The following CFAP97D1 variants were observed in gnomAD, a reference collection of about 807,000 sequenced individuals.
CFAP97D1 encodes the protein CFAP97 domain containing 1, also known as sperm axonemal maintenance protein CFAP97D1.
In CFAP97D1, 15 loss-of-function variants were observed where a neutral mutation model predicts 20.5. The ratio of observed to expected loss-of-function variants is 0.73; its 90% CI spans 0.49 to 1.13. CFAP97D1 has a LOEUF of 1.13. Among genes scored for constraint, CFAP97D1 ranks in the 50% most tolerant of loss-of-function variants. The pLI is 0.00. For missense variants in CFAP97D1, 168 were observed against 202.9 expected (o/e 0.83, Z 1.04); for synonymous variants, 58 against 71.2 (o/e 0.82, Z 0.93).
intron 1 of CFAP97D1, 72 bp downstream of exon 1, chr17:43,780,658 G>T (rs2301682): frequency 0.083 from 126,210 of 1,513,158 alleles, 5,799 homozygotes; most frequent in African/African-American, 0.17. Context: ...AGATCAACAG[G>T]AAACCAGACC....
chr17:43,781,892 G>T lies in CFAP97D1; in HGVS notation c.314G>T (p.Ser105Ile), dbSNP rs1263390686. Residue 105 changes from serine (S) to isoleucine (I), a missense_variant and splice_region_variant, in exon 3 of 6, where the codon AGC becomes ATC. Transcript: ENST00000449302. Reference protein sequence around the residue: ...VDCWNEYFSKSLNRETRNREL... With the variant: ...VDCWNEYFSKILNRETRNREL... Reference sequence around the variant, plus strand: ...TGCTGGAATGAATATTTTTCCAAGAGGTAATGTTCTTTGTCTTCATTTCAG... The same window carrying T: ...TGCTGGAATGAATATTTTTCCAAGATGTAATGTTCTTTGTCTTCATTTCAG... 6.5e-7 allele frequency: 1 copy of T among 1,535,180 alleles called. No homozygotes were observed. The highest frequency in any genetic ancestry group is 8.8e-7 in the Non-Finnish European group (1 of 1,132,026).
chr17:43,783,302 A>C lies in CFAP97D1; in HGVS notation c.437A>C (p.Gln146Pro). 6.4e-7 allele frequency: 1 copy of C among 1,551,226 alleles called. No homozygotes were observed. Among genetic ancestry groups the C allele is most frequent in the Non-Finnish European group, 8.7e-7 (1 of 1,146,808 alleles). The change falls in exon 4 of 6, where the codon CAG becomes CCG. Residue 146 changes from glutamine (Q) to proline (P), a missense_variant and splice_region_variant. Coordinates refer to ENST00000449302, the MANE Select transcript of CFAP97D1 (RefSeq NM_001136483.3). ...CGCAGGGCATCTGAGATAGACTGGC[A>C]GGCACGTGGGCACTCATGTTATACT... ...YDRRASEIDW[Q>P]NSRRYIRNTT...
chr17:43,787,037 G>T lies in CFAP97D1; in HGVS notation c.*2655G>T, dbSNP rs2154590856. Reference sequence around the variant, plus strand: ...GCTGGAGTGCAGTGGCACGATCTTGGCTCACTGCAACCTCCACCTCTGGGG... The same window carrying T: ...GCTGGAGTGCAGTGGCACGATCTTGTCTCACTGCAACCTCCACCTCTGGGG... On this transcript the variant is annotated 3_prime_UTR_variant, in exon 6 of 6. Transcript: ENST00000449302. 6.6e-6 allele frequency: 1 copy of T among 152,080 alleles called. No individual in the cohort carries two copies. Among genetic ancestry groups the T allele is most frequent in the East Asian group, 1.9e-4 (1 of 5,166 alleles). 9.4% of individuals were successfully genotyped at this position (152,080 alleles called of 1,614,324 possible). A position where few individuals can be genotyped will look rare whatever the true frequency, so the allele number is the denominator to read the frequency against.
Position 43,781,911 on chromosome 17 carries a change from A to G in CFAP97D1, c.314+19A>G. ...CCAAGAGGTAATGTTCTTTGTCTTC[A>G]TTTCAGTTTTGAAAAGTCAAAATTG... On this transcript the variant is annotated intron_variant, in intron 3 of 5. Transcript: ENST00000449302. The G allele has an allele frequency of 6.7e-7, 1 of 1,493,794 alleles. No homozygotes were observed. Among genetic ancestry groups the G allele is most frequent in the African/African-American group, 1.4e-5 (1 of 71,962 alleles). The allele number at this position is 1,493,794 out of a possible 1,614,324, so 92.5% of individuals were successfully genotyped here. A position where few individuals can be genotyped will look rare whatever the true frequency, so the allele number is the denominator to read the frequency against.
chr17:43,781,664 C>G (rs1028531320), intron 2 of CFAP97D1, 110 bp from the exon 3 acceptor site: 13 of 751,646 alleles, frequency 1.7e-5, no homozygotes, highest in Middle Eastern at 2.5e-4. Context: ...TCCACTGTGG[C>G]CCTCAATGCA....
At chr17:43,782,415 AC>A (rs1455544049) in intron 3 of CFAP97D1, among the ~76,000 whole-genome samples, 1 of 152,070 alleles carries the variant, frequency 6.6e-6, no homozygotes, top group Non-Finnish European at 1.5e-5. Context: ...TCAAAGGCCC[AC>A]CCCCTAATAC....
Position 43,783,163 on chromosome 17 carries a change from G to T in CFAP97D1, c.315-17G>T. The T allele has an allele frequency of 6.4e-7, 1 of 1,551,432 alleles. No homozygotes were observed. Among genetic ancestry groups the T allele is most frequent in the Non-Finnish European group, 8.7e-7 (1 of 1,146,910 alleles). ...GCATTTCCTTCTTCACCCATTTCGG[G>T]GTTTTGTGTTTTTCAGCTTAAACAG... On this transcript the variant is annotated splice_polypyrimidine_tract_variant and intron_variant, in intron 3 of 5. Transcript: ENST00000449302.
Position 43,781,127 on chromosome 17 carries a change from A to G in CFAP97D1, c.133A>G (p.Thr45Ala), listed in dbSNP as rs1598304291. Residue 45 changes from threonine to alanine, a missense_variant, in exon 2 of 6, where the codon ACT (threonine) becomes GCT (alanine). By Grantham distance (58) the Thr-to-Ala change is moderately conservative. Transcript: ENST00000449302. ...HKNRIQIAKP[T>A]VDTKPPVAHT... is the part of the protein sequence containing the mutation. Reference sequence around the variant, plus strand: ...TTATCCCCCTTCTCTAGCGAAGCCTACTGTTGATACCAAACCTCCAGTGGC... The same window carrying G: ...TTATCCCCCTTCTCTAGCGAAGCCTGCTGTTGATACCAAACCTCCAGTGGC... The G allele has an allele frequency of 3.2e-6, 5 of 1,551,068 alleles. No homozygotes were observed. In the African/African-American group the frequency reaches 4.1e-5, roughly 13 times the overall value.
chr17:43,783,403 A>C (rs1389086108), intron 4 of CFAP97D1, 100 bp downstream of exon 4: 11 of 1,399,880 alleles, frequency 7.9e-6, no homozygotes, highest in Non-Finnish European at 1.1e-5. Context: ...CTAGAGTCAG[A>C]TCACATGAAA....
intron 4 of CFAP97D1, 72 bp downstream of exon 4, chr17:43,783,375 A>C: frequency 1.6e-5 from 24 of 1,519,644 alleles, no homozygotes; most frequent in East Asian, 2.5e-5. Context: ...AGAGAGTCTC[A>C]GAAAAATCCC....
Position 43,781,613 on chromosome 17 carries a change from C to T in CFAP97D1, c.196-161C>T, listed in dbSNP as rs879118470. On this transcript the variant is annotated intron_variant, in intron 2 of 5. Coordinates refer to ENST00000449302, the MANE Select transcript of CFAP97D1 (RefSeq NM_001136483.3). ...GTGCTGGGATTACAGGCGTGAGCCACCGTGCCCGGCCGCCCAGTCTTTTAA... is the reference window on the plus strand; with the variant it reads ...GTGCTGGGATTACAGGCGTGAGCCATCGTGCCCGGCCGCCCAGTCTTTTAA... 1.3e-4 allele frequency among the ~76,000 whole-genome samples: 20 copies of T among 151,440 alleles called. No homozygotes were observed. The East Asian group carries it at 3.3e-3, about 25-fold the overall frequency.
chr17:43,783,073 C>A, intron 3 of CFAP97D1, 107 bp from the exon 4 acceptor site: 1 of 1,401,158 alleles, frequency 7.1e-7, no homozygotes, highest in Non-Finnish European at 9.8e-7. Flanking sequence ...ACAGTTTACT[C>A]CCTGCACTTA....
In CFAP97D1 at chr17:43,786,075, A is replaced by G. The variant is rs1029369024; in HGVS notation, c.*1693A>G. ...AGGGTGCTGGTGTGAGTCTTGGAGT[A>G]CAAAGGCCAAGGAGCCTAGAGTTGT... On this transcript the variant is annotated 3_prime_UTR_variant, in exon 6 of 6. Coordinates refer to ENST00000449302, the MANE Select transcript of CFAP97D1 (RefSeq NM_001136483.3). The G allele has an allele frequency of 2.0e-5, 3 of 152,286 alleles. No homozygotes were observed. Among genetic ancestry groups the G allele is most frequent in the African/African-American group, 7.2e-5 (3 of 41,456 alleles). 9.4% of individuals were successfully genotyped at this position (152,286 alleles called of 1,614,324 possible).
intron 2 of CFAP97D1, among the ~76,000 whole-genome samples, 198 bp downstream of exon 2, chr17:43,781,387 A>T (rs1224384965): frequency 1.4e-5 from 2 of 141,700 alleles, no homozygotes; most frequent in African/African-American, 5.1e-5. Context: ...CCTAGGCTGG[A>T]GTGCACAATC....
chr17:43,781,258 G>A, intron 2 of CFAP97D1, 69 bp downstream of exon 2: 1 of 1,298,636 alleles, frequency 7.7e-7, no homozygotes. Context: ...TCCTAAAGAG[G>A]TTCAATTTCC....
In CFAP97D1 at chr17:43,784,799, A is replaced by C. The variant is rs1038209776; in HGVS notation, c.*417A>C. On this transcript the variant is annotated 3_prime_UTR_variant, in exon 6 of 6. Transcript: ENST00000449302. The stretch of plus-strand genomic sequence containing the variant: ...TCAGAAAACACAAGGAACAAATGCC[A>C]TTAGTTCCTCTGTGAATACACACGA... 6 of 152,256 alleles carry C rather than the reference A, an allele frequency of 3.9e-5. No homozygotes were observed. The highest frequency in any genetic ancestry group is 7.3e-5 in the Non-Finnish European group (5 of 68,046). 9.4% of individuals were successfully genotyped at this position (152,256 alleles called of 1,614,324 possible).
In CFAP97D1 at chr17:43,781,893, G is replaced by T. The variant is rs966871755; in HGVS notation, c.314+1G>T. ...GCTGGAATGAATATTTTTCCAAGAG[G>T]TAATGTTCTTTGTCTTCATTTCAGT... On this transcript the variant is annotated splice_donor_variant, in intron 3 of 5. Transcript: ENST00000449302. LOFTEE classifies it high-confidence loss of function. 2 of 1,533,348 alleles carry T rather than the reference G, an allele frequency of 1.3e-6. No individual in the cohort carries two copies. The highest frequency in any genetic ancestry group is 1.4e-5 in the African/African-American group (1 of 72,724). 95.0% of individuals were successfully genotyped at this position (1,533,348 alleles called of 1,614,324 possible). A position where few individuals can be genotyped will look rare whatever the true frequency, so the allele number is the denominator to read the frequency against.
intron 2 of CFAP97D1, 25 bp from the exon 3 acceptor site, chr17:43,781,749 A>G (rs1974476808): frequency 3.6e-6 from 5 of 1,405,302 alleles, no homozygotes; most frequent in Non-Finnish European, 4.9e-6. Flanking sequence ...TGGTGTCACC[A>G]TGGTGAGGTG....
chr17:43,781,164 A>T lies in CFAP97D1; in HGVS notation c.170A>T (p.His57Leu). 1 of 1,551,572 alleles carries T rather than the reference A, an allele frequency of 6.4e-7. No individual in the cohort carries two copies. The highest frequency in any genetic ancestry group is 8.7e-7 in the Non-Finnish European group (1 of 1,146,926). ...AAACCTCCAGTGGCGCACACAAATC[A>T]CATTTTAAAATTGAGCAAACTACAG... ...DTKPPVAHTN[H>L]ILKLSKLQGE... The change falls in exon 2 of 6, where the codon CAC becomes CTC. Residue 57 changes from histidine to leucine, a missense_variant. His to Leu is a moderately conservative substitution (Grantham distance 99). Coordinates refer to ENST00000449302, the MANE Select transcript of CFAP97D1 (RefSeq NM_001136483.3).
Sources: allele counts gnomAD v4.1 joint callset (sites outside exome capture counted in the v4.1 genomes callset), GRCh38; gene constraint gnomAD v4.1.1; transcripts MANE v1.5; gene names NCBI Gene and HGNC (gene_info 2026-07-23, HGNC 2026-07-21).